Variants in PTPRU observed in about 807,000 individuals in gnomAD.
The protein encoded by PTPRU is protein tyrosine phosphatase receptor type U.
A neutral mutation model predicts 166.3 loss-of-function variants in PTPRU; 69 were observed. The ratio of observed to expected loss-of-function variants is 0.41; its 90% CI spans 0.34 to 0.51. PTPRU has a LOEUF of 0.51. PTPRU is among the 20% of genes least tolerant of loss of function. PTPRU has a pLI of 0.09. For synonymous variants in PTPRU, 793 were observed against 814.0 expected (o/e 0.97, Z 0.44); for missense variants, 1,657 against 2,013.7 (o/e 0.82, Z 3.39).
Position 29,236,737 on chromosome 1 carries a change from A to T in PTPRU, c.73+20A>T. The T allele has an allele frequency of 7.1e-7, 1 of 1,410,202 alleles. No homozygotes were observed. Among genetic ancestry groups the T allele is most frequent in the Non-Finnish European group, 9.2e-7 (1 of 1,085,598 alleles). 87.4% of individuals were successfully genotyped at this position (1,410,202 alleles called of 1,614,324 possible). On this transcript the variant is annotated intron_variant, in intron 1 of 29. Coordinates refer to ENST00000373779, the MANE Select transcript of PTPRU (RefSeq NM_133178.4). The surrounding 1 kb of genome is among the most constrained non-coding windows in gnomAD (Gnocchi z 4.6). Reference sequence around the variant, plus strand: ...CGGCAGGTAAGCGCGCGGCGGCCGGACCGAGCCTGCCCCGCCGAGCCTCGG... The same window carrying T: ...CGGCAGGTAAGCGCGCGGCGGCCGGTCCGAGCCTGCCCCGCCGAGCCTCGG...
Position 29,304,992 on chromosome 1 carries a change from G to A in PTPRU, c.2743+143G>A, listed in dbSNP as rs896616959. ...TTATTGAGGGCCTACCACACGTCAC[G>A]CCCTGTGCTTGTTTCATTTATTCCC... On this transcript the variant is annotated intron_variant, in intron 17 of 29. Transcript: ENST00000373779. 6 of 676,686 alleles carry A rather than the reference G, an allele frequency of 8.9e-6. No individual in the cohort carries two copies. The South Asian group carries it at 1.0e-4, about 12-fold the overall frequency. 41.9% of individuals were successfully genotyped at this position (676,686 alleles called of 1,614,324 possible). A position where few individuals can be genotyped will look rare whatever the true frequency, so the allele number is the denominator to read the frequency against.
At chr1:29,289,675 G>A (rs773243554) in intron 14 of PTPRU, 11 of 1,613,846 alleles carry the variant, frequency 6.8e-6, no homozygotes, top group South Asian at 1.1e-5. Context: ...CTCTTTGCAC[G>A]CTGCCAGGAG....
At chr1:29,282,543 G>A (rs891335290) in intron 11 of PTPRU, 133 bp from the exon 12 acceptor site, 2 of 1,260,476 alleles carry the variant, frequency 1.6e-6, no homozygotes, top group Non-Finnish European at 2.1e-6. Flanking sequence ...GACTTGCCCA[G>A]CTAGTAAGGA....
chr1:29,256,158 A>G (rs1005376257), intron 2 of PTPRU, among the ~76,000 whole-genome samples: 1 of 152,206 alleles, frequency 6.6e-6, no homozygotes. Context: ...GAGATGATGC[A>G]TATAAAGTAC....
In PTPRU at chr1:29,280,152, G is replaced by A. The variant is rs754175714; in HGVS notation, c.1868+11G>A. The A allele has an allele frequency of 5.6e-6, 9 of 1,598,130 alleles. No individual in the cohort carries two copies. The highest frequency in any genetic ancestry group is 2.2e-5 in the East Asian group (1 of 44,832). ...CGGTGCGCCCATCAGGTGGGAAAGC[G>A]GGGACGGAGGGGTGGGAGTCCAGGG... On this transcript the variant is annotated intron_variant, in intron 11 of 29. Coordinates refer to ENST00000373779, the MANE Select transcript of PTPRU (RefSeq NM_133178.4). This position sits in a 1 kb window ranked among gnomAD's most constrained non-coding sequence, Gnocchi z 4.2.
At chr1:29,267,773 T>A (rs1343799559) in intron 7 of PTPRU, among the ~76,000 whole-genome samples, 1 of 152,174 alleles carries the variant, frequency 6.6e-6, no homozygotes, top group East Asian at 1.9e-4. Context: ...CATCTACTTT[T>A]GTTTAAAAGG....
intron 15 of PTPRU, among the ~76,000 whole-genome samples, chr1:29,295,364 T>G (rs1038810146): frequency 6.6e-6 from 1 of 152,166 alleles, no homozygotes; most frequent in Non-Finnish European, 1.5e-5. Flanking sequence ...TGTTATAAAT[T>G]TTAGAGTCAT....
At position 29,311,491 on chromosome 1, in the gene PTPRU, A is replaced by T. The variant is rs1167829205; in HGVS notation, c.2893A>T (p.Met965Leu). 1 of 1,614,160 alleles carries T rather than the reference A, an allele frequency of 6.2e-7. No individual in the cohort carries two copies. The change falls in exon 20 of 30, where the codon ATG becomes TTG. Residue 965 changes from methionine to leucine, a missense_variant. Physicochemically the swap from Met to Leu is conservative, Grantham distance 15. Transcript: ENST00000373779. This position sits in a 1 kb window ranked among gnomAD's most constrained non-coding sequence, Gnocchi z 4.1. ...KPEMVYDFWR[M>L]VWQEHCSSIV... is the part of the protein sequence containing the mutation. ...TGAGATGGTCTATGACTTCTGGCGT[A>T]TGGTGTGGCAGGAGCACTGTTCCAG...
At chr1:29,246,968 C>T (rs533865270) in intron 1 of PTPRU, among the ~76,000 whole-genome samples, 78 of 152,294 alleles carry the variant, frequency 5.1e-4, no homozygotes, top group African/African-American at 1.8e-3. Flanking sequence ...ACCCATGCCT[C>T]GAGTCTGCAC....
intron 22 of PTPRU, among the ~76,000 whole-genome samples, chr1:29,314,662 C>T (rs1165771643): frequency 6.6e-6 from 1 of 151,928 alleles, no homozygotes; most frequent in African/African-American, 2.4e-5. Context: ...ACTGCAACCT[C>T]CATCTCCCGG....
At chr1:29,276,268 C>A (rs751373193) in intron 8 of PTPRU, among the ~76,000 whole-genome samples, 74 of 151,650 alleles carry the variant, frequency 4.9e-4, no homozygotes, top group Non-Finnish European at 9.7e-4. Context: ...GCGATCCTCC[C>A]ACCTCAGCCT....
At chr1:29,240,113 A>C (rs1289069248) in intron 1 of PTPRU, among the ~76,000 whole-genome samples, 3 of 152,006 alleles carry the variant, frequency 2.0e-5, no homozygotes, top group Admixed American at 6.6e-5. Context: ...TCTCTGCAGA[A>C]CTTTCTAACT....
rs146068581 is a variant in PTPRU at position 29,317,750 on chromosome 1, G to T, written c.3516G>T (p.Thr1172=). 12 of 1,607,090 alleles carry T rather than the reference G, an allele frequency of 7.5e-6. No individual in the cohort carries two copies. The highest frequency in any genetic ancestry group is 9.3e-6 in the Non-Finnish European group (11 of 1,179,214). Residue 1172 remains threonine (T), a splice_region_variant and synonymous_variant, in exon 25 of 30, where the codon ACG becomes ACT. Transcript: ENST00000373779. The surrounding 1 kb of genome is among the most constrained non-coding windows in gnomAD (Gnocchi z 5.6). ...NSSQLREEFQ[T]LNSVTPPLDV... is the part of the protein sequence containing the mutation. ...GTCCCCACCCCCGCTCCCTGTAGACGCTGAACTCGGTCACCCCGCCGCTGG... is the reference window on the plus strand; with the variant it reads ...GTCCCCACCCCCGCTCCCTGTAGACTCTGAACTCGGTCACCCCGCCGCTGG...
chr1:29,253,320 G>T (rs1684636295), intron 1 of PTPRU, among the ~76,000 whole-genome samples: 1 of 152,090 alleles, frequency 6.6e-6, no homozygotes, highest in South Asian at 2.1e-4. Flanking sequence ...TAAAACACCT[G>T]ATCTAAACCC....
Position 29,279,765 on chromosome 1 carries a change from C to T in PTPRU, c.1765+108C>T. On this transcript the variant is annotated intron_variant, in intron 10 of 29. Coordinates refer to ENST00000373779, the MANE Select transcript of PTPRU (RefSeq NM_133178.4). This position sits in a 1 kb window ranked among gnomAD's most constrained non-coding sequence, Gnocchi z 5.2. ...CATCCTGGGGGTAGTTACAGAGGGC[C>T]CCTGCTGAGATAAATATGCCATTTA... 1.5e-6 allele frequency: 2 copies of T among 1,324,620 alleles called. No individual in the cohort carries two copies. Among genetic ancestry groups the T allele is most frequent in the Non-Finnish European group, 2.1e-6 (2 of 948,102 alleles). 82.1% of individuals were successfully genotyped at this position (1,324,620 alleles called of 1,614,324 possible).
Position 29,260,008 on chromosome 1 carries a change from G to A in PTPRU, c.814G>A (p.Ala272Thr). The stretch of plus-strand genomic sequence containing the variant: ...CTGTGTGTCCCAGGCCCCGCGCGGC[G>A]CGGGCGTCTCTAACTTCGCGGAGCT... ...YRCVSQAPRG[A>T]GVSNFAELIV... Residue 272 changes from alanine to threonine, a missense_variant, in exon 6 of 30, where the codon GCG becomes ACG. By Grantham distance (58) the Ala-to-Thr change is moderately conservative. Around this residue, in one of 3 missense-constraint regions of PTPRU, gnomAD observed 453 missense variants for 496.9 expected, o/e 0.91. Coordinates refer to ENST00000373779, the MANE Select transcript of PTPRU (RefSeq NM_133178.4). This position sits in a 1 kb window ranked among gnomAD's most constrained non-coding sequence, Gnocchi z 8.3. The A allele has an allele frequency of 1.3e-6, 2 of 1,485,872 alleles. No individual in the cohort carries two copies. Among genetic ancestry groups the A allele is most frequent in the Non-Finnish European group, 1.8e-6 (2 of 1,125,816 alleles). 92.0% of individuals were successfully genotyped at this position (1,485,872 alleles called of 1,614,324 possible). A position where few individuals can be genotyped will look rare whatever the true frequency, so the allele number is the denominator to read the frequency against.
At chr1:29,275,898 C>G in intron 8 of PTPRU, 142 bp downstream of exon 8, 1 of 922,998 alleles carries the variant, frequency 1.1e-6, no homozygotes, top group South Asian at 1.8e-5. Context: ...GTAGTGATAG[C>G]TCCTATTTTT....
rs114763365 is a variant in PTPRU at position 29,321,840 on chromosome 1, C to T, written c.3828+1015C>T. Among the ~76,000 whole-genome samples, 722 of 152,206 alleles carry T rather than the reference C, an allele frequency of 4.7e-3. 9 individuals carry two copies. Among genetic ancestry groups the T allele is most frequent in the African/African-American group, 0.016 (670 of 41,538 alleles). The stretch of plus-strand genomic sequence containing the variant: ...GGTGACAGTTGTATCTGAGATTGGC[C>T]CAGACACTGGTTCAGTGACCTCAGC... On this transcript the variant is annotated intron_variant, in intron 26 of 29. Transcript: ENST00000373779.
chr1:29,275,066 G>T (rs369605799), intron 7 of PTPRU, among the ~76,000 whole-genome samples: 1 of 145,070 alleles, frequency 6.9e-6, no homozygotes, highest in Non-Finnish European at 1.5e-5. Flanking sequence ...AAAAAAAAAA[G>T]CTAATATTTT....
Sources: allele counts gnomAD v4.1 joint callset (sites outside exome capture counted in the v4.1 genomes callset), GRCh38; gene constraint gnomAD v4.1.1; regional missense constraint gnomAD v4.1.1; non-coding constraint Gnocchi (gnomAD v3.1); transcripts MANE v1.5; gene names NCBI Gene and HGNC (gene_info 2026-07-23, HGNC 2026-07-21).